PIK3C2B: variants seen among roughly 807,000 people sequenced by gnomAD.
PIK3C2B encodes phosphatidylinositol 4-phosphate 3-kinase C2 domain-containing subunit beta.
A neutral mutation model predicts 184.3 loss-of-function variants in PIK3C2B; 83 were observed. That is an observed-to-expected ratio of 0.45 (90% CI 0.38 to 0.54). PIK3C2B has a LOEUF of 0.54. Among genes scored for constraint, PIK3C2B ranks in the 20% least tolerant of loss-of-function variants. The probability of loss-of-function intolerance (pLI) is 0.00; values close to 1 mark genes in which losing one functional copy is unlikely to be tolerated. For synonymous variants in PIK3C2B, 779 were observed against 837.6 expected (o/e 0.93, Z 1.21); for missense variants, 1,736 against 2,113.5 (o/e 0.82, Z 3.50).
At chr1:204,456,908 C>CCCCCA (rs1654908183) in intron 10 of PIK3C2B, 129 bp downstream of exon 10, 8 of 215,000 alleles carry the variant, frequency 3.7e-5, no homozygotes, top group Non-Finnish European at 6.9e-5. Flanking sequence ...ACACACACAC[C>CCCCCA]CACACACACA....
In PIK3C2B at chr1:204,424,373, C is replaced by T. The variant is rs551250906; in HGVS notation, c.*479G>A. 4.4e-6 allele frequency: 1 copy of T among 225,026 alleles called. No homozygotes were observed. Among genetic ancestry groups the T allele is most frequent in the Admixed American group, 5.1e-5 (1 of 19,738 alleles). 13.9% of individuals were successfully genotyped at this position (225,026 alleles called of 1,614,324 possible). Reference sequence around the variant, plus strand: ...AACCTAGGGAAAAGTCCAATAAGAACCTTAATCATACAAAAAGTCCAAATA... The same window carrying T: ...AACCTAGGGAAAAGTCCAATAAGAATCTTAATCATACAAAAAGTCCAAATA... On this transcript the variant is annotated 3_prime_UTR_variant, in exon 33 of 33. Coordinates refer to ENST00000684373, the MANE Select transcript of PIK3C2B (RefSeq NM_001377334.1).
Position 204,455,915 on chromosome 1 carries a change from G to A in PIK3C2B, c.1884C>T (p.Ala628=). 1 of 1,614,188 alleles carries A rather than the reference G, an allele frequency of 6.2e-7. No homozygotes were observed. Among genetic ancestry groups the A allele is most frequent in the South Asian group, 1.1e-5 (1 of 91,078 alleles). The part of the protein sequence containing the change: ...HDLVQEACHF[A]RSLAFTVYAT... ...CATAGACAGTGAAGGCCAGGGACCT[G>A]GCGAAATGGCAGGCCTCCTGGACCA... Residue 628 remains alanine (A), a synonymous_variant, in exon 11 of 33, where the codon GCC becomes GCT. Coordinates refer to ENST00000684373, the MANE Select transcript of PIK3C2B (RefSeq NM_001377334.1).
intron 1 of PIK3C2B, chr1:204,489,832 G>C: frequency 5.0e-6 from 2 of 397,780 alleles, no homozygotes; most frequent in East Asian, 7.1e-5. Context: ...CTTCTACCTG[G>C]CAAGGCAAAC....
chr1:204,466,480 G>A (rs1456951250), intron 2 of PIK3C2B, among the ~76,000 whole-genome samples: 2 of 150,916 alleles, frequency 1.3e-5, no homozygotes, highest in South Asian at 2.1e-4. Context: ...GTGCATGGGC[G>A]GCGGGGGGTG....
intron 12 of PIK3C2B, 89 bp downstream of exon 12, chr1:204,454,580 C>A: frequency 7.1e-7 from 1 of 1,401,484 alleles, no homozygotes; most frequent in Non-Finnish European, 9.9e-7. Context: ...TATCATTAGT[C>A]CTGGACTAGT....
intron 1 of PIK3C2B, among the ~76,000 whole-genome samples, chr1:204,472,414 C>T (rs894560802): frequency 2.0e-5 from 3 of 151,940 alleles, no homozygotes; most frequent in South Asian, 2.1e-4. Flanking sequence ...CCACCCAGCT[C>T]GGCCTCCCAA....
At chr1:204,493,349 G>A (rs1332943288) in intron 1 of PIK3C2B, among the ~76,000 whole-genome samples, 1 of 152,022 alleles carries the variant, frequency 6.6e-6, no homozygotes, top group Admixed American at 6.6e-5. Flanking sequence ...CCAGCCCAGG[G>A]TACAAAACTC....
At position 204,444,107 on chromosome 1, in the gene PIK3C2B, C is replaced by T. The variant is rs1263517653; in HGVS notation, c.2828G>A (p.Arg943Gln). Residue 943 changes from arginine to glutamine, a missense_variant, in exon 18 of 33, where the codon CGA becomes CAA. Arg to Gln is a conservative substitution (Grantham distance 43). Transcript: ENST00000684373. ...DSPLVRFLLK[R>Q]AVSDLRVTHY... Reference sequence around the variant, plus strand: ...AGTCACTCTCAAGTCAGACACAGCTCGTTTCAGGAGGAAGCGCACCAACGG... The same window carrying T: ...AGTCACTCTCAAGTCAGACACAGCTTGTTTCAGGAGGAAGCGCACCAACGG... 8 of 1,613,900 alleles carry T rather than the reference C, an allele frequency of 5.0e-6. No individual in the cohort carries two copies. Among genetic ancestry groups the T allele is most frequent in the Middle Eastern group, 1.6e-4 (1 of 6,062 alleles).
At position 204,449,223 on chromosome 1, in the gene PIK3C2B, C is replaced by T; in HGVS notation, c.2308G>A (p.Ala770Thr). ...TQENPSARWSAPNFHQPDSVI... is the reference protein window; with the variant it reads ...TQENPSARWSTPNFHQPDSVI... ...CTGTCTGGCTGGTGGAAATTAGGTG[C>T]ACTCCAACGGGCGCTGGGATTTTCC... Residue 770 changes from alanine to threonine, a missense_variant, in exon 14 of 33, where the codon GCA (alanine) becomes ACA (threonine). Physicochemically the swap from Ala to Thr is moderately conservative, Grantham distance 58. Around this residue, in one of 8 missense-constraint regions of PIK3C2B, gnomAD observed 609 missense variants for 699.2 expected, o/e 0.87. Coordinates refer to ENST00000684373, the MANE Select transcript of PIK3C2B (RefSeq NM_001377334.1). 1 of 1,612,978 alleles carries T rather than the reference C, an allele frequency of 6.2e-7. No individual in the cohort carries two copies. The highest frequency in any genetic ancestry group is 8.5e-7 in the Non-Finnish European group (1 of 1,179,744).
intron 4 of PIK3C2B, 143 bp downstream of exon 4, chr1:204,464,307 C>T: frequency 2.8e-6 from 3 of 1,056,684 alleles, no homozygotes; most frequent in Non-Finnish European, 4.2e-6. Flanking sequence ...ATGCTGGCCC[C>T]ATAGCCAGCC....
chr1:204,469,980 T>C, intron 1 of PIK3C2B, 94 bp from the exon 2 acceptor site: 1 of 589,964 alleles, frequency 1.7e-6, no homozygotes, highest in Non-Finnish European at 3.0e-6. Context: ...TCTGGGCCAG[T>C]GCCTGCTTCT....
Position 204,459,923 on chromosome 1 carries a change from C to G in PIK3C2B, c.1521G>C (p.Leu507=). Reference sequence around the variant, plus strand: ...CCACCTCATTGTGGTAAGTGTCGAACAGAAGACTCAGGGCCTGCCTGGGAG... The same window carrying G: ...CCACCTCATTGTGGTAAGTGTCGAAGAGAAGACTCAGGGCCTGCCTGGGAG... ...QTISRQALSL[L]FDTYHNEVDA... The change falls in exon 8 of 33, where the codon CTG becomes CTC. Residue 507 remains leucine (L), a synonymous_variant. Transcript: ENST00000684373. 1.2e-6 allele frequency: 2 copies of G among 1,613,922 alleles called. No individual in the cohort carries two copies. The highest frequency in any genetic ancestry group is 1.7e-6 in the Non-Finnish European group (2 of 1,179,990).
intron 32 of PIK3C2B, among the ~76,000 whole-genome samples, chr1:204,425,292 A>C (rs1255835804): frequency 6.6e-6 from 1 of 152,138 alleles, no homozygotes; most frequent in Non-Finnish European, 1.5e-5. Context: ...GCTCATTTTC[A>C]GCACAGGACC....
chr1:204,444,242 A>G, intron 17 of PIK3C2B, 80 bp from the exon 18 acceptor site: 1 of 1,428,194 alleles, frequency 7.0e-7, no homozygotes, highest in South Asian at 1.1e-5. Context: ...TTGCACTGGG[A>G]TCTCTGGTTT....
At chr1:204,430,102 A>G in intron 28 of PIK3C2B, 64 bp from the exon 29 acceptor site, 2 of 1,024,324 alleles carry the variant, frequency 2.0e-6, no homozygotes, top group Admixed American at 1.9e-5. Context: ...AATGGACACA[A>G]TGGGCTTTTT....
rs932426504 is a variant in PIK3C2B at position 204,449,937 on chromosome 1, G to A, written c.2147C>T (p.Pro716Leu). The change falls in exon 13 of 33, where the codon CCA becomes CTA. Residue 716 changes from proline (P) to leucine (L), a missense_variant. This residue lies in a region of PIK3C2B where 609 missense variants were observed against 699.2 expected (regional missense o/e 0.87). Coordinates refer to ENST00000684373, the MANE Select transcript of PIK3C2B (RefSeq NM_001377334.1). Reference sequence around the variant, plus strand: ...ATTGGCCTCTGAGGAGCTCCCCGGTGGGGGGATGGGCAGAGCATAGAGAGT... The same window carrying A: ...ATTGGCCTCTGAGGAGCTCCCCGGTAGGGGGATGGGCAGAGCATAGAGAGT... ...CATLYALPIP[P>L]PGSSSEANKQ... 1 of 1,612,312 alleles carries A rather than the reference G, an allele frequency of 6.2e-7. No individual in the cohort carries two copies. Among genetic ancestry groups the A allele is most frequent in the Non-Finnish European group, 8.5e-7 (1 of 1,179,224 alleles).
chr1:204,441,480 G>A lies in PIK3C2B; in HGVS notation c.3240C>T (p.Val1080=). The change falls in exon 21 of 33, where the codon GTC becomes GTT. Residue 1080 remains valine (V), a synonymous_variant. Transcript: ENST00000684373. The part of the protein sequence containing the change: ...NVDPLGENIR[V]IFKCGDDLRQ... Reference sequence around the variant, plus strand: ...AGTAAAGTATTCTCACCTTGAAGATGACACGGATGTTCTCACCCAGGGGAT... The same window carrying A: ...AGTAAAGTATTCTCACCTTGAAGATAACACGGATGTTCTCACCCAGGGGAT... 1 of 1,607,498 alleles carries A rather than the reference G, an allele frequency of 6.2e-7. No individual in the cohort carries two copies. The highest frequency in any genetic ancestry group is 8.5e-7 in the Non-Finnish European group (1 of 1,174,092).
At chr1:204,464,404 C>A in intron 4 of PIK3C2B, 46 bp downstream of exon 4, 1 of 1,565,674 alleles carries the variant, frequency 6.4e-7, no homozygotes, top group Non-Finnish European at 8.7e-7. Context: ...TCATCCCCAC[C>A]CCACTTCAAG....
At chr1:204,478,538 A>G (rs1392977571) in intron 1 of PIK3C2B, among the ~76,000 whole-genome samples, 1 of 152,170 alleles carries the variant, frequency 6.6e-6, no homozygotes, top group Non-Finnish European at 1.5e-5. Context: ...CTATTACAGA[A>G]TCACATGCAT....
Sources: allele counts gnomAD v4.1 joint callset (sites outside exome capture counted in the v4.1 genomes callset), GRCh38; gene constraint gnomAD v4.1.1; regional missense constraint gnomAD v4.1.1; transcripts MANE v1.5; gene names NCBI Gene and HGNC (gene_info 2026-07-23, HGNC 2026-07-21).